The following CDH13 variants were observed in gnomAD, a reference collection of about 807,000 sequenced individuals.
The protein encoded by CDH13 is cadherin-13.
In CDH13, 24 loss-of-function variants were observed where a neutral mutation model predicts 63.8. The ratio of observed to expected loss-of-function variants is 0.38; its 90% CI spans 0.27 to 0.53. The LOEUF (loss-of-function observed/expected upper bound fraction) is 0.53. CDH13 is among the 20% of genes least tolerant of loss of function. The pLI, the probability that CDH13 is intolerant of heterozygous loss-of-function variation, is 0.85. For synonymous variants in CDH13, 503 were observed against 355.3 expected, an observed-to-expected ratio of 1.42 and a Z score of -4.67; for missense variants, 1,049 against 903.1, an observed-to-expected ratio of 1.16 and a Z score of -2.07.
intron 5 of CDH13, among the ~76,000 whole-genome samples, chr16:83,310,546 C>A (rs569984369): frequency 6.6e-6 from 1 of 152,206 alleles, no homozygotes; most frequent in Admixed American, 6.5e-5. Flanking sequence ...TAAACCATCA[C>A]CTCCTCTTCC....
In CDH13 at chr16:83,783,444, C is replaced by T; in HGVS notation, c.2106C>T (p.Val702=). 4 of 1,613,952 alleles carry T rather than the reference C, an allele frequency of 2.5e-6. No individual in the cohort carries two copies. The highest frequency in any genetic ancestry group is 1.7e-4 in the Middle Eastern group (1 of 6,054). ...AGALRFSLPS[V]LLLSLFSLAC... ...CCCTGCGCTTCAGCCTGCCCTCAGT[C>T]CTGCTCCTCAGCCTCTTCAGCTTAG... The change falls in exon 13 of 14, where the codon GTC becomes GTT. Residue 702 remains valine (V), a synonymous_variant. Coordinates refer to ENST00000567109, the MANE Select transcript of CDH13 (RefSeq NM_001257.5).
chr16:83,171,432 G>A, intron 4 of CDH13: 2 of 1,097,046 alleles, frequency 1.8e-6, no homozygotes, highest in Non-Finnish European at 2.7e-6. Flanking sequence ...TTTGGGTGAG[G>A]ACACAGATCC....
intron 1 of CDH13, among the ~76,000 whole-genome samples, chr16:82,799,546 C>T (rs1381005169): frequency 9.9e-5 from 15 of 152,174 alleles, no homozygotes; most frequent in Admixed American, 9.2e-4. Flanking sequence ...ATTGCTAATT[C>T]CACGTTGTAA....
At chr16:82,780,099 C>T (rs1350825007) in intron 1 of CDH13, among the ~76,000 whole-genome samples, 1 of 152,040 alleles carries the variant, frequency 6.6e-6, no homozygotes, top group Non-Finnish European at 1.5e-5. Context: ...AATCAAGCAA[C>T]GGTGTCTGCA....
intron 1 of CDH13, among the ~76,000 whole-genome samples, chr16:82,645,428 G>A (rs114585083): frequency 6.6e-6 from 1 of 152,068 alleles, no homozygotes; most frequent in South Asian, 2.1e-4. Flanking sequence ...GGGTGAGGGG[G>A]GTTGTGACCC....
At chr16:82,921,333 T>G (rs1337903617) in intron 2 of CDH13, among the ~76,000 whole-genome samples, 4 of 152,150 alleles carry the variant, frequency 2.6e-5, no homozygotes, top group African/African-American at 9.7e-5. Context: ...CAGCTGGCAT[T>G]CCTTTGCTTG....
chr16:83,514,512 G>A (rs2074653490), intron 7 of CDH13, among the ~76,000 whole-genome samples: 1 of 149,002 alleles, frequency 6.7e-6, no homozygotes, highest in Non-Finnish European at 1.5e-5. Flanking sequence ...GGGCATGGTG[G>A]TGCTCACCTG....
intron 1 of CDH13, among the ~76,000 whole-genome samples, chr16:82,805,966 A>G (rs545690504): frequency 6.6e-4 from 101 of 152,256 alleles, no homozygotes; most frequent in Non-Finnish European, 1.2e-3. Flanking sequence ...AAGTCCATTC[A>G]TTGTCTCCAT....
intron 7 of CDH13, among the ~76,000 whole-genome samples, chr16:83,523,373 G>A (rs4613053): frequency 0.086 from 13,128 of 152,242 alleles, 827 homozygotes; most frequent in African/African-American, 0.18. Flanking sequence ...TATTCATGAT[G>A]ACCTAGCCCA....
At chr16:83,046,832 A>G (rs571741075) in intron 3 of CDH13, among the ~76,000 whole-genome samples, 13 of 152,272 alleles carry the variant, frequency 8.5e-5, no homozygotes, top group Non-Finnish European at 1.6e-4. Context: ...GTTACAAACA[A>G]TTCAGAAGGG....
chr16:82,962,190 A>G (rs1907122028), intron 2 of CDH13, among the ~76,000 whole-genome samples: 1 of 152,216 alleles, frequency 6.6e-6, no homozygotes, highest in African/African-American at 2.4e-5. Context: ...TTGAATTTCA[A>G]GTGGCCTTGT....
rs994476094 is a variant in CDH13 at position 83,322,198 on chromosome 16, C to G, written c.637-22664C>G. ...GCCTCCAGCTACAGACACATTATGT[C>G]GATGAGATTAGAGCCTTTGGTGTTG... On this transcript the variant is annotated intron_variant, in intron 5 of 13. Coordinates refer to ENST00000567109, the MANE Select transcript of CDH13 (RefSeq NM_001257.5). Among the ~76,000 whole-genome samples, 4 of 152,256 alleles carry G rather than the reference C, an allele frequency of 2.6e-5. No homozygotes were observed. The South Asian group carries it at 6.2e-4, about 24-fold the overall frequency.
intron 1 of CDH13, among the ~76,000 whole-genome samples, chr16:82,765,005 AG>A (rs1406752290): frequency 6.6e-6 from 1 of 152,008 alleles, no homozygotes; most frequent in Admixed American, 6.6e-5. Context: ...TAGTAGAAAC[AG>A]GGTTTCACCA....
At chr16:83,328,804 C>G (rs2090423997) in intron 5 of CDH13, among the ~76,000 whole-genome samples, 1 of 152,040 alleles carries the variant, frequency 6.6e-6, no homozygotes, top group Non-Finnish European at 1.5e-5. Flanking sequence ...GTTGATTCCT[C>G]TCTCACAAAG....
intron 10 of CDH13, among the ~76,000 whole-genome samples, chr16:83,713,253 A>T (rs1439575126): frequency 1.3e-5 from 2 of 152,162 alleles, no homozygotes; most frequent in Non-Finnish European, 2.9e-5. Context: ...GCATTGATAG[A>T]TGACAGTGTG....
chr16:82,864,861 C>T (rs571652387), intron 2 of CDH13, among the ~76,000 whole-genome samples: 2 of 152,288 alleles, frequency 1.3e-5, no homozygotes, highest in South Asian at 4.1e-4. Flanking sequence ...AGGCAAGTCC[C>T]TTCCACCTAG....
At chr16:83,734,409 G>C (rs1358298833) in intron 10 of CDH13, among the ~76,000 whole-genome samples, 1 of 152,150 alleles carries the variant, frequency 6.6e-6, no homozygotes, top group East Asian at 1.9e-4. Flanking sequence ...ATGCACCAGA[G>C]AGGAAATGTA....
intron 4 of CDH13, among the ~76,000 whole-genome samples, chr16:83,207,076 C>G (rs1296833936): frequency 6.6e-6 from 1 of 152,184 alleles, no homozygotes; most frequent in Admixed American, 6.5e-5. Context: ...AAATATGGAA[C>G]TATGTGGCCT....
intron 7 of CDH13, among the ~76,000 whole-genome samples, chr16:83,525,639 C>G (rs1165336945): frequency 1.3e-5 from 2 of 152,122 alleles, no homozygotes; most frequent in African/African-American, 4.8e-5. Flanking sequence ...CCAAAGGTGT[C>G]CATGCTTTAG....
Sources: allele counts gnomAD v4.1 joint callset (sites outside exome capture counted in the v4.1 genomes callset), GRCh38; gene constraint gnomAD v4.1.1; transcripts MANE v1.5; gene names NCBI Gene and HGNC (gene_info 2026-07-23, HGNC 2026-07-21).